IBSP: variants seen among roughly 807,000 people sequenced by gnomAD.
IBSP encodes integrin-binding sialoprotein.
Under a neutral mutation model 25.5 loss-of-function variants are expected in IBSP, and 19 were observed. The ratio of observed to expected loss-of-function variants is 0.74; its 90% CI spans 0.52 to 1.09. The LOEUF is 1.09. Ranked by LOEUF, IBSP falls within the 50% of genes least tolerant of loss-of-function variation. The probability of loss-of-function intolerance (pLI) is 0.00; values close to 1 mark genes in which losing one functional copy is unlikely to be tolerated. For synonymous variants in IBSP, 144 were observed against 137.6 expected, an observed-to-expected ratio of 1.05 and a Z score of -0.33; for missense variants, 360 against 382.3, an observed-to-expected ratio of 0.94 and a Z score of 0.49.
At chr4:87,805,979 A>G (rs1055872199) in intron 4 of IBSP, 143 bp from the exon 5 acceptor site, 2 of 657,712 alleles carry the variant, frequency 3.0e-6, no homozygotes, top group Non-Finnish European at 5.3e-6. Context: ...TTAGTAAACA[A>G]GTCAGTCAAG....
Position 87,802,543 on chromosome 4 carries a change from T to C in IBSP, c.90T>C (p.Asp30=). The change falls in exon 3 of 7, where the codon GAT becomes GAC. Residue 30 remains aspartate (D), a synonymous_variant. Transcript: ENST00000226284. ...TGCATCGAAGAGTCAAAATAGAGGA[T>C]TCTGAAGAAAATGGGGTAATTAATT... The part of the protein sequence containing the change: ...KNLHRRVKIE[D]SEENGVFKYR... 6.2e-7 allele frequency: 1 copy of C among 1,605,980 alleles called. No homozygotes were observed. The highest frequency in any genetic ancestry group is 8.5e-7 in the Non-Finnish European group (1 of 1,176,918).
chr4:87,805,391 G>T (rs1722075330), intron 4 of IBSP, among the ~76,000 whole-genome samples: 4 of 151,824 alleles, frequency 2.6e-5, no homozygotes, highest in African/African-American at 9.7e-5. Flanking sequence ...CTTGTTAGAG[G>T]GATATTACTC....
intron 5 of IBSP, among the ~76,000 whole-genome samples, chr4:87,809,022 C>A (rs1275376227): frequency 6.6e-6 from 1 of 152,158 alleles, no homozygotes. Flanking sequence ...TAGTAGATGG[C>A]AACCAGCTTT....
chr4:87,805,483 G>A lies in IBSP; in HGVS notation c.184-639G>A, dbSNP rs1722076940. Among the ~76,000 whole-genome samples the A allele has an allele frequency of 2.0e-5, 3 of 151,944 alleles. No individual in the cohort carries two copies. In the South Asian group the frequency reaches 6.2e-4, roughly 32 times the overall value. Reference sequence around the variant, plus strand: ...ATAAATTAACCTCATTTTAGGAACTGGCTTTAATCAAATTTAAAGATACTA... The same window carrying A: ...ATAAATTAACCTCATTTTAGGAACTAGCTTTAATCAAATTTAAAGATACTA... On this transcript the variant is annotated intron_variant, in intron 4 of 6. Transcript: ENST00000226284.
chr4:87,806,285 C>A lies in IBSP; in HGVS notation c.246+101C>A, dbSNP rs1446305108. 1.0e-4 allele frequency: 85 copies of A among 817,658 alleles called. 1 individual carries two copies. The South Asian group carries it at 1.3e-3, about 13-fold the overall frequency. 50.7% of individuals were successfully genotyped at this position (817,658 alleles called of 1,614,324 possible). A position where few individuals can be genotyped will look rare whatever the true frequency, so the allele number is the denominator to read the frequency against. On this transcript the variant is annotated intron_variant, in intron 5 of 6. Transcript: ENST00000226284. The stretch of plus-strand genomic sequence containing the variant: ...TGGACTCAGCAAATAGCCATTGTCA[C>A]TTTACTAACTGCCCATAATATCCTA...
intron 5 of IBSP, 150 bp from the exon 6 acceptor site, chr4:87,810,456 T>C (rs556683234): frequency 1.5e-5 from 9 of 619,310 alleles, no homozygotes; most frequent in East Asian, 2.8e-5. Flanking sequence ...GCAAATGGCA[T>C]AGGGGAAGGC....
At chr4:87,800,658 CTG>C (rs1722000599) in intron 1 of IBSP, among the ~76,000 whole-genome samples, 1 of 152,118 alleles carries the variant, frequency 6.6e-6, no homozygotes, top group Non-Finnish European at 1.5e-5. Flanking sequence ...CTGTGAGAAA[CTG>C]TCTGGGCACC....
chr4:87,811,493 C>G lies in IBSP; in HGVS notation c.537C>G (p.Thr179=). Residue 179 remains threonine, a synonymous_variant, in exon 7 of 7, where the codon ACC becomes ACG. Transcript: ENST00000226284. ...VDENEQGING[T]STNSTEAENG... is the part of the protein sequence containing the mutation. ...AAAACGAACAAGGCATAAACGGCAC[C>G]AGTACCAACAGCACAGAGGCAGAAA... 6.2e-7 allele frequency: 1 copy of G among 1,613,988 alleles called. No homozygotes were observed. Among genetic ancestry groups the G allele is most frequent in the Non-Finnish European group, 8.5e-7 (1 of 1,179,978 alleles).
intron 6 of IBSP, 80 bp from the exon 7 acceptor site, chr4:87,811,282 A>G: frequency 6.8e-7 from 1 of 1,461,180 alleles, no homozygotes; most frequent in Non-Finnish European, 9.2e-7. Context: ...GGCTGTCAGT[A>G]TTGTGTTGCA....
At chr4:87,804,717 G>C (rs1364783162) in intron 4 of IBSP, among the ~76,000 whole-genome samples, 1 of 152,146 alleles carries the variant, frequency 6.6e-6, no homozygotes, top group Non-Finnish European at 1.5e-5. Context: ...TGGTAATAAT[G>C]CATAAATGAA....
chr4:87,811,483 T>TAAAC lies in IBSP; in HGVS notation c.528_531dup (p.Gly178LysfsTer60), dbSNP rs1480034435. On this transcript the variant is annotated frameshift_variant, in exon 7 of 7. Coordinates refer to ENST00000226284, the MANE Select transcript of IBSP (RefSeq NM_004967.4). LOFTEE classifies it low-confidence loss of function (END_TRUNC). ...GAAGTGGATGAAAACGAACAAGGCA[T>TAAAC]AAACGGCACCAGTACCAACAGCACA... is the stretch of plus-strand genomic sequence containing the variant. 6 of 1,613,460 alleles carry TAAAC rather than the reference T, an allele frequency of 3.7e-6. No homozygotes were observed. The Admixed American group carries it at 8.3e-5, about 22-fold the overall frequency.
chr4:87,800,054 T>C (rs1386365323), intron 1 of IBSP, among the ~76,000 whole-genome samples: 3 of 152,168 alleles, frequency 2.0e-5, no homozygotes, highest in Admixed American at 2.0e-4. Flanking sequence ...TATTAAACAT[T>C]AGGTTTTGAT....
At chr4:87,806,097 T>C in intron 4 of IBSP, 25 bp from the exon 5 acceptor site, 1 of 1,551,432 alleles carries the variant, frequency 6.4e-7, no homozygotes, top group East Asian at 2.3e-5. Flanking sequence ...GATAAGAGTA[T>C]ACATACATGT....
Position 87,804,265 on chromosome 4 carries a change from T to C in IBSP, c.183+1534T>C, listed in dbSNP as rs139544980. ...TTCTTTAAGTGTATTGTTAGGTGTT[T>C]AGTGCCCATGTTGTCACCCCAAAAC... On this transcript the variant is annotated intron_variant, in intron 4 of 6. Transcript: ENST00000226284. Among the ~76,000 whole-genome samples, 151 of 152,310 alleles carry C rather than the reference T, an allele frequency of 9.9e-4. 1 individual carries two copies. The highest frequency in any genetic ancestry group is 6.8e-3 in the South Asian group (33 of 4,820).
In IBSP at chr4:87,810,739, T is replaced by TA. The variant is rs760297514; in HGVS notation, c.381dup (p.Ala128SerfsTer15). The TA allele has an allele frequency of 7.4e-6, 12 of 1,612,016 alleles. No homozygotes were observed. The East Asian group carries it at 2.7e-4, about 36-fold the overall frequency. ...ACGCCTGGCACAGGGTATACAGGGT[T>TA]AGCTGCAATCCAGCTTCCCAAGAAG... On this transcript the variant is annotated frameshift_variant, in exon 6 of 7. Transcript: ENST00000226284. LOFTEE classifies it low-confidence loss of function (END_TRUNC).
At chr4:87,804,928 A>G (rs1014934130) in intron 4 of IBSP, among the ~76,000 whole-genome samples, 5 of 152,212 alleles carry the variant, frequency 3.3e-5, no homozygotes, top group Non-Finnish European at 7.3e-5. Context: ...AAGTTAACTA[A>G]CAAATAGAAA....
intron 4 of IBSP, among the ~76,000 whole-genome samples, chr4:87,803,872 T>C (rs141520966): frequency 2.6e-5 from 4 of 152,322 alleles, no homozygotes; most frequent in Non-Finnish European, 5.9e-5. Flanking sequence ...TTAAACTAAA[T>C]GGAAATGATA....
chr4:87,806,643 T>A (rs1413731484), intron 5 of IBSP, among the ~76,000 whole-genome samples: 1 of 152,180 alleles, frequency 6.6e-6, no homozygotes, highest in Non-Finnish European at 1.5e-5. Context: ...AAAACCCGTA[T>A]ATCTCCTCTA....
At chr4:87,801,521 TAC>T (rs1162087592) in intron 1 of IBSP, among the ~76,000 whole-genome samples, 19 of 147,370 alleles carry the variant, frequency 1.3e-4, no homozygotes, top group Admixed American at 5.4e-4. Context: ...CACACGCATA[TAC>T]ACACACACAC....
Sources: gnomAD v4.1 joint callset for allele counts (sites outside exome capture counted in the v4.1 genomes callset) on GRCh38, gnomAD v4.1.1 for gene constraint, MANE v1.5 for transcripts, NCBI Gene and HGNC (gene_info 2026-07-23, HGNC 2026-07-21) for gene names.